Variants in ASIC2 observed in about 807,000 individuals in gnomAD.
The protein encoded by ASIC2 is acid sensing ion channel subunit 2, also known as acid-sensing ion channel 2.
ASIC2 carries 25 observed loss-of-function variants against 57.3 expected under a neutral mutation model. The ratio of observed to expected loss-of-function variants is 0.44; its 90% CI spans 0.32 to 0.61. The LOEUF is 0.61. ASIC2 is among the 20% of genes least tolerant of loss of function. The pLI is 0.06. For synonymous variants in ASIC2, 319 were observed against 307.5 expected (o/e 1.04, Z -0.39); for missense variants, 641 against 738.1 (o/e 0.87, Z 1.52).
At chr17:33,566,038 A>G (rs1447110089) in intron 1 of ASIC2, 3 of 152,096 alleles carry the variant, frequency 2.0e-5, no homozygotes, top group Non-Finnish European at 4.4e-5. Context: ...AGCTGGGAGC[A>G]CCCTTCCTGG....
intron 1 of ASIC2, among the ~76,000 whole-genome samples, chr17:34,030,328 T>C (rs1463097478): frequency 6.6e-6 from 1 of 152,186 alleles, no homozygotes; most frequent in East Asian, 1.9e-4. Flanking sequence ...CCATTCGAAA[T>C]TTTTGAGGGC....
At chr17:33,330,813 C>T (rs1311068510) in intron 1 of ASIC2, among the ~76,000 whole-genome samples, 2 of 152,046 alleles carry the variant, frequency 1.3e-5, no homozygotes, top group Non-Finnish European at 1.5e-5. Context: ...CCTGTGGGGT[C>T]GACATCTTCA....
At chr17:34,003,816 A>C (rs963349733) in intron 1 of ASIC2, 1 of 152,236 alleles carries the variant, frequency 6.6e-6, no homozygotes, top group African/African-American at 2.4e-5. Context: ...AAAGTCAGTC[A>C]GATCTATCCT....
intron 1 of ASIC2, among the ~76,000 whole-genome samples, chr17:33,375,015 A>AT (rs918815430): frequency 6.6e-6 from 1 of 152,194 alleles, no homozygotes; most frequent in Admixed American, 6.5e-5. Context: ...CCAAGAATCT[A>AT]TTTTTTAAAG....
At chr17:33,101,306 T>C (rs2092211228) in intron 2 of ASIC2, among the ~76,000 whole-genome samples, 1 of 152,224 alleles carries the variant, frequency 6.6e-6, no homozygotes, top group Admixed American at 6.5e-5. Flanking sequence ...CTTCCAGCTA[T>C]GCTAAAAATT....
At chr17:33,151,696 C>T (rs992354009) in intron 1 of ASIC2, among the ~76,000 whole-genome samples, 2 of 152,162 alleles carry the variant, frequency 1.3e-5, no homozygotes, top group Non-Finnish European at 2.9e-5. Flanking sequence ...ACCCCACTTC[C>T]CTGCTCCCTC....
chr17:33,911,076 G>A (rs762878040), intron 1 of ASIC2, among the ~76,000 whole-genome samples: 12 of 152,182 alleles, frequency 7.9e-5, no homozygotes, highest in Non-Finnish European at 1.8e-4. Flanking sequence ...CAGAGCGAGC[G>A]CCTATTGGGA....
At chr17:33,197,061 A>C (rs571735753) in intron 1 of ASIC2, among the ~76,000 whole-genome samples, 5 of 152,234 alleles carry the variant, frequency 3.3e-5, no homozygotes, top group Non-Finnish European at 7.3e-5. Context: ...ATTTCCTGAG[A>C]AAGTCACTTA....
At chr17:34,126,043 G>C (rs1276004520) in intron 1 of ASIC2, among the ~76,000 whole-genome samples, 1 of 152,216 alleles carries the variant, frequency 6.6e-6, no homozygotes, top group African/African-American at 2.4e-5. Context: ...GTGAATGCAA[G>C]TAAAGTGGGT....
chr17:34,003,446 T>C (rs931292078), intron 1 of ASIC2: 1 of 152,130 alleles, frequency 6.6e-6, no homozygotes, highest in Admixed American at 6.5e-5. Context: ...TGACACAGCT[T>C]AAAGCATTAG....
At chr17:33,077,986 C>T (rs1365094274) in intron 3 of ASIC2, among the ~76,000 whole-genome samples, 1 of 152,028 alleles carries the variant, frequency 6.6e-6, no homozygotes, top group Non-Finnish European at 1.5e-5. Flanking sequence ...CTTTTTCCCC[C>T]TTTAAAAAAA....
intron 1 of ASIC2, among the ~76,000 whole-genome samples, chr17:33,516,451 T>C (rs1567636770): frequency 6.6e-6 from 1 of 151,560 alleles, no homozygotes; most frequent in Non-Finnish European, 1.5e-5. Context: ...GTGGTGATGC[T>C]GTTGTTGCTC....
At chr17:33,085,930 T>A (rs1328025117) in intron 3 of ASIC2, among the ~76,000 whole-genome samples, 1 of 152,216 alleles carries the variant, frequency 6.6e-6, no homozygotes, top group Non-Finnish European at 1.5e-5. Context: ...AAATATCTTA[T>A]TAGTTATAAT....
chr17:33,677,652 G>A (rs1907867241), intron 1 of ASIC2, among the ~76,000 whole-genome samples: 1 of 152,288 alleles, frequency 6.6e-6, no homozygotes, highest in African/African-American at 2.4e-5. Context: ...CTTCAGGGGA[G>A]GAAGTCACTG....
At chr17:33,674,601 A>G (rs771520262) in intron 1 of ASIC2, among the ~76,000 whole-genome samples, 4 of 152,202 alleles carry the variant, frequency 2.6e-5, no homozygotes, top group Admixed American at 1.3e-4. Flanking sequence ...TATTTTCTTC[A>G]CTTTATAGAT....
intron 1 of ASIC2, chr17:34,003,678 CTT>C (rs1350347819): frequency 6.6e-6 from 1 of 152,044 alleles, no homozygotes; most frequent in Non-Finnish European, 1.5e-5. Context: ...GGTGAGAAAA[CTT>C]TCAGAGGTTA....
intron 1 of ASIC2, among the ~76,000 whole-genome samples, chr17:33,240,119 C>T (rs940294206): frequency 6.6e-6 from 1 of 152,192 alleles, no homozygotes; most frequent in Non-Finnish European, 1.5e-5. Context: ...TGGACACAGC[C>T]TAAGATAGTT....
intron 1 of ASIC2, among the ~76,000 whole-genome samples, chr17:33,545,592 C>T (rs1915552540): frequency 6.6e-6 from 1 of 152,114 alleles, no homozygotes; most frequent in Non-Finnish European, 1.5e-5. Flanking sequence ...CAATGATTCT[C>T]CTCTTCTTAA....
intron 1 of ASIC2, among the ~76,000 whole-genome samples, chr17:33,277,005 G>A (rs938661282): frequency 2.1e-4 from 32 of 152,160 alleles, no homozygotes; most frequent in Admixed American, 1.8e-3. Flanking sequence ...CCATGTACCC[G>A]TGGTATTGAT....
Sources: allele counts gnomAD v4.1 joint callset (sites outside exome capture counted in the v4.1 genomes callset), GRCh38; gene constraint gnomAD v4.1.1; transcripts MANE v1.5; gene names NCBI Gene and HGNC (gene_info 2026-07-23, HGNC 2026-07-21).